The following TSPAN14 variants were observed in gnomAD, a reference collection of about 807,000 sequenced individuals.
TSPAN14 encodes the protein tetraspanin-14.
A neutral mutation model predicts 36.6 loss-of-function variants in TSPAN14; 16 were observed. The ratio of observed to expected loss-of-function variants is 0.44; its 90% CI spans 0.30 to 0.66. TSPAN14 has a LOEUF of 0.66. TSPAN14 is among the 30% of genes least tolerant of loss of function. The probability of loss-of-function intolerance (pLI) is 0.12; values close to 1 mark genes in which losing one functional copy is unlikely to be tolerated. For missense variants in TSPAN14, 231 were observed against 355.1 expected, an observed-to-expected ratio of 0.65 and a Z score of 2.81; for synonymous variants, 139 against 143.8, an observed-to-expected ratio of 0.97 and a Z score of 0.24.
chr10:80,516,872 TC>T (rs1460723963), intron 8 of TSPAN14, among the ~76,000 whole-genome samples: 1 of 152,222 alleles, frequency 6.6e-6, no homozygotes, highest in Non-Finnish European at 1.5e-5. Flanking sequence ...TCCTTTCCTC[TC>T]CCAGGCTGTG....
chr10:80,463,737 A>G (rs1846095266), intron 1 of TSPAN14, among the ~76,000 whole-genome samples: 1 of 152,214 alleles, frequency 6.6e-6, no homozygotes, highest in South Asian at 2.1e-4. Context: ...AAATGACTAG[A>G]TGTGGAGTTA....
intron 1 of TSPAN14, among the ~76,000 whole-genome samples, chr10:80,481,955 A>G (rs1479529602): frequency 2.6e-5 from 4 of 152,004 alleles, no homozygotes; most frequent in African/African-American, 4.8e-5. Flanking sequence ...GGGTTTTACC[A>G]TGTTAGCCAG....
At chr10:80,467,079 G>C (rs1029531152) in intron 1 of TSPAN14, among the ~76,000 whole-genome samples, 3 of 152,174 alleles carry the variant, frequency 2.0e-5, no homozygotes, top group African/African-American at 7.2e-5. Flanking sequence ...GTCTGGCATG[G>C]CCTTCAGTCC....
At chr10:80,467,256 T>A (rs150951517) in intron 1 of TSPAN14, among the ~76,000 whole-genome samples, 6 of 152,210 alleles carry the variant, frequency 3.9e-5, no homozygotes, top group Non-Finnish European at 1.5e-5. Flanking sequence ...GAGCTGTTTT[T>A]CAGGTTTCTC....
Position 80,509,732 on chromosome 10 carries a change from C to T in TSPAN14, c.450+261C>T. On this transcript the variant is annotated intron_variant, in intron 5 of 8. Transcript: ENST00000429989. The surrounding 1 kb of genome is among the most constrained non-coding windows in gnomAD (Gnocchi z 4.7). ...CCCGAGGCCACCCACCCCCCACGTG[C>T]CCGGCCCTCCTCTTTCGGCCCCAGA... The T allele has an allele frequency of 2.1e-6, 1 of 470,024 alleles. No individual in the cohort carries two copies. Among genetic ancestry groups the T allele is most frequent in the Non-Finnish European group, 3.8e-6 (1 of 260,140 alleles). 29.1% of individuals were successfully genotyped at this position (470,024 alleles called of 1,614,324 possible).
At chr10:80,478,986 A>G (rs192174144) in intron 1 of TSPAN14, among the ~76,000 whole-genome samples, 3,502 of 152,118 alleles carry the variant, frequency 0.023, 150 homozygotes, top group African/African-American at 0.079. Context: ...TTGCCATTCT[A>G]ACTGGTGTGA....
chr10:80,483,826 C>T (rs1847424094), intron 1 of TSPAN14, among the ~76,000 whole-genome samples: 1 of 133,746 alleles, frequency 7.5e-6, no homozygotes, highest in Admixed American at 8.8e-5. Context: ...AGGATAATCA[C>T]TTGAACCCGG....
chr10:80,476,899 CA>C (rs980405705), intron 1 of TSPAN14, among the ~76,000 whole-genome samples: 1 of 152,208 alleles, frequency 6.6e-6, no homozygotes, highest in African/African-American at 2.4e-5. Context: ...TAGGGTCTCA[CA>C]AAGCCCAAAT....
rs1230751172 is a variant in TSPAN14 at position 80,466,317 on chromosome 10, G to A, written c.-18+11946G>A. ...TGCCCAGGCTGGAGTGTAGTGGCAT[G>A]AATATGGTTTAGTGTAGCCCCCACC... On this transcript the variant is annotated intron_variant, in intron 1 of 8. Coordinates refer to ENST00000429989, the Ensembl canonical transcript of TSPAN14. The A allele has an allele frequency of 2.0e-5, 3 of 152,194 alleles. No individual in the cohort carries two copies. The East Asian group carries it at 5.8e-4, about 29-fold the overall frequency. The allele number at this position is 152,194 out of a possible 1,614,324, so 9.4% of individuals were successfully genotyped here. A position where few individuals can be genotyped will look rare whatever the true frequency, so the allele number is the denominator to read the frequency against.
intron 8 of TSPAN14, among the ~76,000 whole-genome samples, chr10:80,517,577 A>G (rs572527215): frequency 1.2e-3 from 182 of 152,346 alleles, no homozygotes; most frequent in South Asian, 3.3e-3. Context: ...TTTTTGGTTT[A>G]ACCCAGGGAC....
chr10:80,504,198 A>G (rs12411484), intron 2 of TSPAN14, among the ~76,000 whole-genome samples: 16,948 of 152,286 alleles, frequency 0.11, 1,249 homozygotes, highest in East Asian at 0.29. Context: ...GGCCTGGGCC[A>G]CTGGATAGCT....
At chr10:80,497,447 A>G (rs777226559) in intron 2 of TSPAN14, among the ~76,000 whole-genome samples, 2 of 152,216 alleles carry the variant, frequency 1.3e-5, no homozygotes, top group Non-Finnish European at 2.9e-5. Context: ...TGTATTATCT[A>G]TGGCTGCTTT....
chr10:80,477,009 T>G (rs1480453359), intron 1 of TSPAN14, among the ~76,000 whole-genome samples: 1 of 152,214 alleles, frequency 6.6e-6, no homozygotes, highest in Admixed American at 6.5e-5. Flanking sequence ...TCTTGCTACA[T>G]GTAGAACTGA....
In TSPAN14 at chr10:80,515,938, G is replaced by A. The variant is rs147059704; in HGVS notation, c.622-266G>A. 1,787 of 470,454 alleles carry A rather than the reference G, an allele frequency of 3.8e-3. 31 individuals are homozygous for A. The highest frequency in any genetic ancestry group is 0.031 in the African/African-American group (1,618 of 51,516). The allele number at this position is 470,454 out of a possible 1,614,324, so 29.1% of individuals were successfully genotyped here. On this transcript the variant is annotated intron_variant, in intron 7 of 8. Transcript: ENST00000429989. ...TGGATGGTGGGGAAGGGTATCTTGA[G>A]AAAGTTGGGCTTTAAATCTCTGGAG...
chr10:80,492,766 A>G (rs559085802), intron 2 of TSPAN14, among the ~76,000 whole-genome samples: 1 of 152,232 alleles, frequency 6.6e-6, no homozygotes, highest in Non-Finnish European at 1.5e-5. Flanking sequence ...CAGTGAGCCA[A>G]GATCGCGCCA....
chr10:80,506,371 T>C (rs1840303480), intron 3 of TSPAN14, among the ~76,000 whole-genome samples: 1 of 152,232 alleles, frequency 6.6e-6, no homozygotes, highest in Non-Finnish European at 1.5e-5. Context: ...ACTGAAGATG[T>C]AATTGTCCCT....
At chr10:80,469,162 G>A (rs898301527) in intron 1 of TSPAN14, among the ~76,000 whole-genome samples, 1 of 151,962 alleles carries the variant, frequency 6.6e-6, no homozygotes, top group Non-Finnish European at 1.5e-5. Flanking sequence ...GGTGGGGGTA[G>A]GGATGGGGGG....
intron 1 of TSPAN14, among the ~76,000 whole-genome samples, chr10:80,469,278 T>C (rs1245745853): frequency 1.3e-5 from 2 of 152,178 alleles, no homozygotes; most frequent in Non-Finnish European, 2.9e-5. Context: ...AGAATCAGGT[T>C]GTAAATATTG....
chr10:80,475,971 A>G (rs1321831997), intron 1 of TSPAN14, among the ~76,000 whole-genome samples: 1 of 152,248 alleles, frequency 6.6e-6, no homozygotes, highest in African/African-American at 2.4e-5. Flanking sequence ...CAAAATCCAT[A>G]GATGCTCAAG....
Sources: allele counts gnomAD v4.1 joint callset (sites outside exome capture counted in the v4.1 genomes callset), GRCh38; gene constraint gnomAD v4.1.1; non-coding constraint Gnocchi (gnomAD v3.1); transcripts MANE v1.5; gene names NCBI Gene and HGNC (gene_info 2026-07-23, HGNC 2026-07-21).